The following SH3KBP1 variants were observed in gnomAD, a reference collection of about 807,000 sequenced individuals.
The protein encoded by SH3KBP1 is SH3 domain-containing kinase-binding protein 1.
A neutral mutation model predicts 50.1 loss-of-function variants in SH3KBP1; 8 were observed. That is an observed-to-expected ratio of 0.16 (90% CI 0.09 to 0.29). The LOEUF is 0.29. Ranked by LOEUF, SH3KBP1 falls within the 10% of genes least tolerant of loss-of-function variation. The pLI, the probability that SH3KBP1 is intolerant of heterozygous loss-of-function variation, is 1.00. For missense variants in SH3KBP1, 377 were observed against 535.2 expected (o/e 0.70, Z 2.92); for synonymous variants, 227 against 218.6 (o/e 1.04, Z -0.34).
chrX:19,633,541 CTAT>C (rs2061626477), intron 7 of SH3KBP1, among the ~76,000 whole-genome samples: 1 of 112,318 alleles, frequency 8.9e-6, no homozygotes, highest in African/African-American at 3.2e-5. Context: ...ACCAATTTTC[CTAT>C]TGACTGTGCT....
At chrX:19,851,773 C>A (rs769406563) in intron 1 of SH3KBP1, among the ~76,000 whole-genome samples, 1 of 111,804 alleles carries the variant, frequency 8.9e-6, no homozygotes, top group African/African-American at 3.3e-5. Context: ...CTGGCCTCTA[C>A]TGATCCTCCT....
chrX:19,819,334 T>G (rs2067452710), intron 2 of SH3KBP1, among the ~76,000 whole-genome samples: 1 of 111,125 alleles, frequency 9.0e-6, no homozygotes, highest in East Asian at 2.8e-4. Flanking sequence ...TTTATTGATC[T>G]TTTTATTTAT....
chrX:19,849,932 T>C (rs761698656), intron 1 of SH3KBP1, among the ~76,000 whole-genome samples: 6 of 111,231 alleles, frequency 5.4e-5, no homozygotes, highest in Admixed American at 9.6e-5. Flanking sequence ...TCCGGATTGT[T>C]AAAATGCTCT....
At chrX:19,687,894 A>G (rs2063202094) in intron 5 of SH3KBP1, among the ~76,000 whole-genome samples, 1 of 112,351 alleles carries the variant, frequency 8.9e-6, no homozygotes. Flanking sequence ...CAAAGTCCCC[A>G]TGCAACCAGT....
chrX:19,839,230 T>C (rs1426524134), intron 1 of SH3KBP1, among the ~76,000 whole-genome samples: 1 of 109,936 alleles, frequency 9.1e-6, no homozygotes, highest in Non-Finnish European at 1.9e-5. Flanking sequence ...TTAAGCCTAA[T>C]AATAACAGCG....
At chrX:19,642,259 T>C (rs1432615079) in intron 7 of SH3KBP1, among the ~76,000 whole-genome samples, 1 of 112,046 alleles carries the variant, frequency 8.9e-6, no homozygotes. Context: ...GGCACTTTTC[T>C]AGGCTGCATG....
chrX:19,619,781 C>CA (rs772996274), intron 8 of SH3KBP1, among the ~76,000 whole-genome samples: 10 of 109,809 alleles, frequency 9.1e-5, no homozygotes, highest in South Asian at 3.8e-4. Context: ...GACTTTGTCT[C>CA]AAAAAAAATA....
At chrX:19,884,165 T>C (rs2069523673) in intron 1 of SH3KBP1, among the ~76,000 whole-genome samples, 1 of 112,313 alleles carries the variant, frequency 8.9e-6, no homozygotes, top group African/African-American at 3.2e-5. Flanking sequence ...AGATTGGCCT[T>C]CTCCACTCAT....
intron 2 of SH3KBP1, among the ~76,000 whole-genome samples, chrX:19,807,521 A>G (rs987379418): frequency 1.0e-4 from 11 of 110,235 alleles, no homozygotes; most frequent in Admixed American, 1.9e-4. Context: ...CTCACCTGAA[A>G]CAGCCCACAC....
chrX:19,614,556 C>T (rs769624910), intron 8 of SH3KBP1, among the ~76,000 whole-genome samples: 3 of 112,020 alleles, frequency 2.7e-5, no homozygotes, highest in African/African-American at 9.7e-5. Context: ...ACTCCATACC[C>T]ATTAAATCAC....
chrX:19,766,504 T>C (rs2065617957), intron 2 of SH3KBP1, among the ~76,000 whole-genome samples: 2 of 61,506 alleles, frequency 3.3e-5, no homozygotes, highest in African/African-American at 6.4e-5. Flanking sequence ...TTTTTTTTTT[T>C]TTTTTTTTTT....
At chrX:19,607,128 C>T (rs2067265767) in intron 9 of SH3KBP1, among the ~76,000 whole-genome samples, 2 of 112,493 alleles carry the variant, frequency 1.8e-5, no homozygotes. Flanking sequence ...CCTTCCCACA[C>T]CTCAGCCCTA....
intron 2 of SH3KBP1, among the ~76,000 whole-genome samples, chrX:19,782,397 T>C (rs1308664396): frequency 9.0e-6 from 1 of 111,587 alleles, no homozygotes; most frequent in Non-Finnish European, 1.9e-5. Context: ...GCCACCCAGT[T>C]TGTGGTCATT....
intron 1 of SH3KBP1, among the ~76,000 whole-genome samples, chrX:19,836,862 T>C (rs2068073631): frequency 8.9e-6 from 1 of 111,746 alleles, no homozygotes; most frequent in South Asian, 3.7e-4. Context: ...GCTTTTCTTG[T>C]GATAGTGAGT....
chrX:19,776,189 G>A (rs749205300), intron 2 of SH3KBP1, among the ~76,000 whole-genome samples: 1 of 111,768 alleles, frequency 8.9e-6, no homozygotes, highest in African/African-American at 3.2e-5. Flanking sequence ...AAAATAACAT[G>A]TCAATGTCCA....
chrX:19,838,080 C>CGA (rs1425122245), intron 1 of SH3KBP1, among the ~76,000 whole-genome samples: 2 of 107,448 alleles, frequency 1.9e-5, no homozygotes, highest in African/African-American at 7.5e-5. Flanking sequence ...ACAACAACAA[C>CGA]AACAACAACA....
At chrX:19,664,313 A>G (rs1297088036) in intron 6 of SH3KBP1, among the ~76,000 whole-genome samples, 3 of 111,139 alleles carry the variant, frequency 2.7e-5, no homozygotes, top group African/African-American at 6.6e-5. Flanking sequence ...CTTTCTAGCC[A>G]CTCAATTTCA....
intron 3 of SH3KBP1, among the ~76,000 whole-genome samples, chrX:19,729,236 C>T (rs762210121): frequency 1.9e-4 from 22 of 113,092 alleles, no homozygotes; most frequent in Non-Finnish European, 3.6e-4. Flanking sequence ...TGTGTGGTTT[C>T]GTTTTCTTTG....
chrX:19,760,033 T>TCTC (rs1556346090), intron 2 of SH3KBP1, among the ~76,000 whole-genome samples: 4 of 64,802 alleles, frequency 6.2e-5, no homozygotes, highest in African/African-American at 3.3e-4. Context: ...CCTCTCTCTC[T>TCTC]CTCTCTCCCT....
Sources: allele counts gnomAD v4.1 joint callset (sites outside exome capture counted in the v4.1 genomes callset), GRCh38; gene constraint gnomAD v4.1.1; transcripts MANE v1.5; gene names NCBI Gene and HGNC (gene_info 2026-07-23, HGNC 2026-07-21).